RAD51B: variants seen among roughly 807,000 people sequenced by gnomAD.
RAD51B encodes DNA repair protein RAD51 homolog 2.
In RAD51B, 38 loss-of-function variants were observed where a neutral mutation model predicts 42.2. The observed-to-expected ratio is 0.90, with a 90% CI of 0.70 to 1.18. The LOEUF (loss-of-function observed/expected upper bound fraction) is 1.18, where lower values mean the gene tolerates loss of function less well. RAD51B is among the 50% of genes most tolerant of loss of function. The pLI, the probability that RAD51B is intolerant of heterozygous loss-of-function variation, is 0.00. For synonymous variants in RAD51B, 154 were observed against 145.2 expected, an observed-to-expected ratio of 1.06 and a Z score of -0.43; for missense variants, 373 against 400.7, an observed-to-expected ratio of 0.93 and a Z score of 0.59.
intron 11 of RAD51B, among the ~76,000 whole-genome samples, chr14:68,661,259 A>G (rs1353101293): frequency 6.6e-6 from 1 of 152,226 alleles, no homozygotes; most frequent in African/African-American, 2.4e-5. Flanking sequence ...CATATTCCAC[A>G]AACACACTGC....
intron 11 of RAD51B, among the ~76,000 whole-genome samples, chr14:68,671,833 G>A (rs1893165593): frequency 6.7e-6 from 1 of 150,200 alleles, no homozygotes; most frequent in South Asian, 2.1e-4. Context: ...AAAAAAAAAT[G>A]TAAGTGATCA....
intron 8 of RAD51B, among the ~76,000 whole-genome samples, chr14:68,350,457 G>A (rs1235415203): frequency 4.6e-5 from 7 of 152,230 alleles, no homozygotes; most frequent in Non-Finnish European, 1.0e-4. Flanking sequence ...AACTGCATCT[G>A]CATGTTACTA....
intron 8 of RAD51B, among the ~76,000 whole-genome samples, chr14:68,333,785 G>T (rs2082394052): frequency 6.6e-6 from 1 of 152,128 alleles, no homozygotes. Context: ...TTTGTGGTAA[G>T]AGCATATAAC....
chr14:68,353,108 T>A (rs2082824143), intron 8 of RAD51B, among the ~76,000 whole-genome samples: 1 of 152,194 alleles, frequency 6.6e-6, no homozygotes, highest in African/African-American at 2.4e-5. Context: ...TCTGGGCCTC[T>A]TCCCTAGCCT....
chr14:68,291,046 G>A (rs1820535637), intron 7 of RAD51B, among the ~76,000 whole-genome samples: 3 of 151,992 alleles, frequency 2.0e-5, no homozygotes, highest in South Asian at 4.1e-4. Context: ...GACCTCAGGC[G>A]ATTCGCCCGC....
chr14:68,004,939 T>C (rs958193419), intron 7 of RAD51B, among the ~76,000 whole-genome samples: 6 of 152,078 alleles, frequency 3.9e-5, no homozygotes, highest in Non-Finnish European at 5.9e-5. Context: ...TGTGTAGTTG[T>C]GGTTCATTCT....
At chr14:68,040,093 A>G (rs2076195107) in intron 7 of RAD51B, among the ~76,000 whole-genome samples, 1 of 152,242 alleles carries the variant, frequency 6.6e-6, no homozygotes, top group African/African-American at 2.4e-5. Context: ...TAGCTTCACA[A>G]TTCATGATAG....
At chr14:68,107,364 A>G (rs993250652) in intron 7 of RAD51B, among the ~76,000 whole-genome samples, 1 of 151,878 alleles carries the variant, frequency 6.6e-6, no homozygotes. Context: ...AAATAAATGG[A>G]AAGATGTCAT....
intron 10 of RAD51B, among the ~76,000 whole-genome samples, chr14:68,508,658 G>C (rs536153799): frequency 6.6e-6 from 1 of 152,270 alleles, no homozygotes; most frequent in South Asian, 2.1e-4. Flanking sequence ...AATGGTTCCC[G>C]TGGGGAGAAC....
At chr14:68,015,319 C>G (rs1268834518) in intron 7 of RAD51B, among the ~76,000 whole-genome samples, 5 of 152,070 alleles carry the variant, frequency 3.3e-5, no homozygotes, top group Non-Finnish European at 7.4e-5. Context: ...AAGGTGACTA[C>G]TCAGGAGATA....
chr14:68,461,469 C>A (rs923388066), intron 9 of RAD51B, among the ~76,000 whole-genome samples: 4 of 152,054 alleles, frequency 2.6e-5, no homozygotes, highest in Non-Finnish European at 5.9e-5. Flanking sequence ...AAGTACAGAC[C>A]AGGTAGTACA....
chr14:68,265,564 A>G (rs1168602296), intron 7 of RAD51B, among the ~76,000 whole-genome samples: 1 of 147,902 alleles, frequency 6.8e-6, no homozygotes, highest in Non-Finnish European at 1.5e-5. Context: ...AGCCTGGCCA[A>G]TATGGTAAAA....
chr14:68,378,680 C>T (rs1202817651), intron 8 of RAD51B, among the ~76,000 whole-genome samples: 2 of 150,512 alleles, frequency 1.3e-5, no homozygotes, highest in African/African-American at 2.4e-5. Context: ...TGTTATTTTT[C>T]ATTGCTTTTT....
chr14:68,382,067 G>A (rs1327277441), intron 8 of RAD51B, among the ~76,000 whole-genome samples: 1 of 152,190 alleles, frequency 6.6e-6, no homozygotes, highest in Non-Finnish European at 1.5e-5. Context: ...ACAAGAACAG[G>A]GACTGGCAGA....
At chr14:68,550,282 A>C (rs982174781) in intron 10 of RAD51B, among the ~76,000 whole-genome samples, 1 of 152,232 alleles carries the variant, frequency 6.6e-6, no homozygotes, top group African/African-American at 2.4e-5. Context: ...AATAGTCCTT[A>C]GGTGTAAGTA....
chr14:68,573,371 G>A (rs550476747), intron 10 of RAD51B, among the ~76,000 whole-genome samples: 32 of 152,204 alleles, frequency 2.1e-4, no homozygotes, highest in African/African-American at 7.5e-4. Context: ...TCCCTGCCTC[G>A]GTGTCCCTGT....
rs2140278741 is a variant in RAD51B at position 67,825,561 on chromosome 14, C to A, written c.182C>A (p.Ala61Asp). ...CTATGTATGGTCAGCAGGGCCTGTG[C>A]CCCAAAGATGCAAACGGTATATTTA... The part of the protein sequence containing the change: ...ELLCMVSRAC[A>D]PKMQTAYGIK... Residue 61 changes from alanine to aspartate, a missense_variant, in exon 3 of 11, where the codon GCC (alanine) becomes GAC (aspartate). Ala to Asp is a moderately radical substitution (Grantham distance 126). Transcript: ENST00000471583. 1 of 1,605,866 alleles carries A rather than the reference C, an allele frequency of 6.2e-7. No homozygotes were observed. The highest frequency in any genetic ancestry group is 8.5e-7 in the Non-Finnish European group (1 of 1,174,478).
intron 7 of RAD51B, among the ~76,000 whole-genome samples, chr14:68,012,758 A>T (rs1418206851): frequency 2.0e-5 from 3 of 152,160 alleles, no homozygotes; most frequent in Non-Finnish European, 2.9e-5. Flanking sequence ...CACATGGAGG[A>T]CAATAACTGT....
intron 10 of RAD51B, among the ~76,000 whole-genome samples, chr14:68,508,494 A>C (rs1594926049): frequency 6.6e-6 from 1 of 152,202 alleles, no homozygotes. Context: ...TCAACATTCT[A>C]CGCAAGCCAG....
Sources: allele counts gnomAD v4.1 joint callset (sites outside exome capture counted in the v4.1 genomes callset), GRCh38; gene constraint gnomAD v4.1.1; transcripts MANE v1.5; gene names NCBI Gene and HGNC (gene_info 2026-07-23, HGNC 2026-07-21).